MYH8: variants seen among roughly 807,000 people sequenced by gnomAD.
MYH8 encodes myosin-8.
A neutral mutation model predicts 233.2 loss-of-function variants in MYH8; 168 were observed. That is an observed-to-expected ratio of 0.72 (90% CI 0.64 to 0.82). The LOEUF (loss-of-function observed/expected upper bound fraction) is 0.82. Among genes scored for constraint, MYH8 ranks in the 40% least tolerant of loss-of-function variants. The pLI is 0.00. For synonymous variants in MYH8, 785 were observed against 850.6 expected (o/e 0.92, Z 1.34); for missense variants, 1,995 against 2,327.8 (o/e 0.86, Z 2.94).
intron 39 of MYH8, 152 bp from the exon 40 acceptor site, chr17:10,390,755 CT>C (rs2072014219): frequency 3.3e-6 from 3 of 917,610 alleles, no homozygotes; most frequent in Non-Finnish European, 5.0e-6. Context: ...ATAACTTCAA[CT>C]ACAATTTTTA....
Position 10,400,453 on chromosome 17 carries a change from C to G in MYH8, c.3672G>C (p.Lys1224Asn), listed in dbSNP as rs202177216. 1.2e-6 allele frequency: 2 copies of G among 1,614,050 alleles called. No homozygotes were observed. Among genetic ancestry groups the G allele is most frequent in the Admixed American group, 3.3e-5 (2 of 60,018 alleles). ...CATCAGTCTCCATCTTCAGCTCACT[C>G]TTCTCCTTCTCCAGCTTCTGTTTGA... ...QRVKQKLEKE[K>N]SELKMETDDL... Residue 1224 changes from lysine (K) to asparagine (N), a missense_variant, in exon 27 of 40, where the codon AAG becomes AAC. Lys to Asn is a moderately conservative substitution (Grantham distance 94). Coordinates refer to ENST00000403437, the MANE Select transcript of MYH8 (RefSeq NM_002472.3). This position sits in a 1 kb window ranked among gnomAD's most constrained non-coding sequence, Gnocchi z 4.0.
At position 10,392,556 on chromosome 17, in the gene MYH8, C is replaced by G. The variant is rs2072035733; in HGVS notation, c.5554G>C (p.Glu1852Gln). ...ATTCCCTTTACCTGGTAGGTGAGTTCTTTTACTCGTCGCTCATGTTTCCGT... is the reference window on the plus strand; with the variant it reads ...ATTCCCTTTACCTGGTAGGTGAGTTGTTTTACTCGTCGCTCATGTTTCCGT... ...GLRKHERRVK[E>Q]LTYQTEEDRK... The change falls in exon 38 of 40, where the codon GAA becomes CAA. Residue 1852 changes from glutamate (E) to glutamine (Q), a missense_variant. Coordinates refer to ENST00000403437, the MANE Select transcript of MYH8 (RefSeq NM_002472.3). 4 of 1,614,080 alleles carry G rather than the reference C, an allele frequency of 2.5e-6. No homozygotes were observed. Among genetic ancestry groups the G allele is most frequent in the Non-Finnish European group, 2.5e-6 (3 of 1,179,956 alleles).
chr17:10,411,070 G>A (rs775621615), intron 14 of MYH8, 123 bp from the exon 15 acceptor site: 24 of 1,522,696 alleles, frequency 1.6e-5, no homozygotes, highest in East Asian at 2.4e-5. Flanking sequence ...TAAAACTAAC[G>A]TTGCTCCCTC....
At chr17:10,414,109 T>C in intron 11 of MYH8, 69 bp from the exon 12 acceptor site, 1 of 1,610,336 alleles carries the variant, frequency 6.2e-7, no homozygotes, top group Non-Finnish European at 8.5e-7. Context: ...TTTATACATA[T>C]CCTAAGGTAA....
chr17:10,404,226 A>G, intron 22 of MYH8, 104 bp downstream of exon 22: 2 of 1,454,912 alleles, frequency 1.4e-6, no homozygotes, highest in South Asian at 1.2e-5. Flanking sequence ...AAAAACAGCA[A>G]CTTGAGATTT....
Position 10,391,871 on chromosome 17 carries a change from A to T in MYH8, c.5664+11T>A. 6.2e-7 allele frequency: 1 copy of T among 1,609,856 alleles called. No individual in the cohort carries two copies. Among genetic ancestry groups the T allele is most frequent in the South Asian group, 1.1e-5 (1 of 90,994 alleles). ...ATTTCCTTCTTTCCTCAAGGGCTTA[A>T]AGATACTTACAGCCTCCTCAGCTTG... On this transcript the variant is annotated intron_variant, in intron 39 of 39. Coordinates refer to ENST00000403437, the MANE Select transcript of MYH8 (RefSeq NM_002472.3).
intron 20 of MYH8, 30 bp from the exon 21 acceptor site, chr17:10,406,207 C>A (rs2142180059): frequency 6.2e-7 from 1 of 1,614,064 alleles, no homozygotes; most frequent in East Asian, 2.2e-5. Flanking sequence ...CAAATCATCT[C>A]CATACTGCAG....
chr17:10,412,931 T>G (rs1033028408), intron 12 of MYH8, among the ~76,000 whole-genome samples: 7 of 152,218 alleles, frequency 4.6e-5, no homozygotes, highest in African/African-American at 1.7e-4. Flanking sequence ...GTGATTTATT[T>G]CAAGTAGTTT....
chr17:10,407,698 G>A (rs1019990415), intron 17 of MYH8, among the ~76,000 whole-genome samples: 6 of 151,944 alleles, frequency 3.9e-5, no homozygotes, highest in African/African-American at 1.5e-4. Flanking sequence ...AATTAGCCAG[G>A]TCTGGTGACG....
chr17:10,403,826 TG>T (rs1398174464), intron 22 of MYH8, among the ~76,000 whole-genome samples: 1 of 152,212 alleles, frequency 6.6e-6, no homozygotes, highest in Non-Finnish European at 1.5e-5. Context: ...ACTAGAGATT[TG>T]TATCAGAGGA....
intron 22 of MYH8, among the ~76,000 whole-genome samples, chr17:10,403,344 T>G (rs1222718368): frequency 6.6e-6 from 1 of 152,216 alleles, no homozygotes; most frequent in East Asian, 1.9e-4. Context: ...CAATCCAGTC[T>G]AATTTATTAG....
rs764330505 is a variant in MYH8, at chr17:10,401,202, A to C, written c.3109-11T>G. The C allele has an allele frequency of 2.5e-5, 41 of 1,613,512 alleles. No homozygotes were observed. Among genetic ancestry groups the C allele is most frequent in the Non-Finnish European group, 3.5e-5 (41 of 1,179,758 alleles). On this transcript the variant is annotated splice_polypyrimidine_tract_variant and intron_variant, in intron 24 of 39. Coordinates refer to ENST00000403437, the MANE Select transcript of MYH8 (RefSeq NM_002472.3). ...CAGAGACCCTTCAAGCTAATAAGAA[A>C]GTAAATATGGTAAAAATTGAAAGTA...
chr17:10,399,660 C>T lies in MYH8; in HGVS notation c.3745G>A (p.Glu1249Lys). Residue 1249 changes from glutamate (E) to lysine (K), a missense_variant, in exon 28 of 40, where the codon GAA becomes AAA. Glu to Lys is a moderately conservative substitution (Grantham distance 56). Around this residue, in one of 3 missense-constraint regions of MYH8, gnomAD observed 1,498 missense variants for 1,680.9 expected, o/e 0.89. Transcript: ENST00000403437. ...EAISKAKGNL[E>K]KMCRSLEDQV... ...TCTTCTAGAGAGCGGCACATCTTTT[C>T]AAGGTTTCCCTACAGGATATGTAGC... 6.2e-7 allele frequency: 1 copy of T among 1,614,010 alleles called. No homozygotes were observed. Among genetic ancestry groups the T allele is most frequent in the Non-Finnish European group, 8.5e-7 (1 of 1,179,988 alleles).
chr17:10,415,715 A>G lies in MYH8; in HGVS notation c.512-7T>C. On this transcript the variant is annotated splice_region_variant and splice_polypyrimidine_tract_variant and intron_variant, in intron 5 of 39. Coordinates refer to ENST00000403437, the MANE Select transcript of MYH8 (RefSeq NM_002472.3). This position sits in a 1 kb window ranked among gnomAD's most constrained non-coding sequence, Gnocchi z 4.1. The stretch of plus-strand genomic sequence containing the variant: ...ATGGACTGATTCTCTCGATCTGTGA[A>G]AGAATTCAAAATCATCCGTTAAAAA... The G allele has an allele frequency of 6.2e-7, 1 of 1,613,024 alleles. No individual in the cohort carries two copies. Among genetic ancestry groups the G allele is most frequent in the Non-Finnish European group, 8.5e-7 (1 of 1,179,284 alleles).
Position 10,399,609 on chromosome 17 carries a change from CCTTGGTCTT to C in MYH8, c.3787_3795del (p.Lys1263_Lys1265del), listed in dbSNP as rs2072115732. 15 of 1,614,022 alleles carry C rather than the reference CCTTGGTCTT, an allele frequency of 9.3e-6. No individual in the cohort carries two copies. Among genetic ancestry groups the C allele is most frequent in the Non-Finnish European group, 1.3e-5 (15 of 1,180,040 alleles). ...TTGATCAGCCGCTGCTGCTCCTCTTCCTTGGTCTTAAGCTCACTCACTTGATCTTCTAGA... is the reference window on the plus strand; with the variant it reads ...TTGATCAGCCGCTGCTGCTCCTCTTCAAGCTCACTCACTTGATCTTCTAGA... On this transcript the variant is annotated inframe_deletion, in exon 28 of 40. Coordinates refer to ENST00000403437, the MANE Select transcript of MYH8 (RefSeq NM_002472.3).
In MYH8 at chr17:10,395,582, A is replaced by G. The variant is rs1473191180; in HGVS notation, c.4654-141T>C. The stretch of plus-strand genomic sequence containing the variant: ...CAGTAGTTCTGGGAATCTTCTAGGT[A>G]AATCATTATTTTGTTTATTTAGTGA... On this transcript the variant is annotated intron_variant, in intron 33 of 39. Coordinates refer to ENST00000403437, the MANE Select transcript of MYH8 (RefSeq NM_002472.3). The G allele has an allele frequency of 3.5e-6, 3 of 847,604 alleles. No homozygotes were observed. In the East Asian group the frequency reaches 8.0e-5, roughly 22 times the overall value. The allele number at this position is 847,604 out of a possible 1,614,324, so 52.5% of individuals were successfully genotyped here. A position where few individuals can be genotyped will look rare whatever the true frequency, so the allele number is the denominator to read the frequency against.
Position 10,391,021 on chromosome 17 carries a change from T to G in MYH8, c.5665-418A>C, listed in dbSNP as rs898733034. On this transcript the variant is annotated intron_variant, in intron 39 of 39. Transcript: ENST00000403437. ...TCCTCTGTTAATTGACTCATTGCCA[T>G]TTATGCCTCTCCCTTTTTTCTTTCC... is the stretch of plus-strand genomic sequence containing the variant. 7.2e-5 allele frequency among the ~76,000 whole-genome samples: 11 copies of G among 152,370 alleles called. No homozygotes were observed. The East Asian group carries it at 2.1e-3, about 29-fold the overall frequency.
rs1375781351 is a variant in MYH8 at position 10,417,570 on chromosome 17, A to G, written c.511+1075T>C. On this transcript the variant is annotated intron_variant, in intron 5 of 39. Coordinates refer to ENST00000403437, the MANE Select transcript of MYH8 (RefSeq NM_002472.3). The surrounding 1 kb of genome is among the most constrained non-coding windows in gnomAD (Gnocchi z 4.1). ...TGTACAAAAATCATGTTTGGGAGCC[A>G]TAAGTAACCTTGAATTTGGAGCAGC... Among the ~76,000 whole-genome samples the G allele has an allele frequency of 2.0e-5, 3 of 152,230 alleles. No homozygotes were observed. The highest frequency in any genetic ancestry group is 3.9e-4 in the East Asian group (2 of 5,194).
Position 10,399,577 on chromosome 17 carries a change from G to T in MYH8, c.3828C>A (p.Leu1276=). ...TCTGCAGGCGCGCTCTCTGTGCTGT[G>T]AGGTCATTGATCAGCCGCTGCTGCT... is the stretch of plus-strand genomic sequence containing the variant. ...EEEQQRLIND[L]TAQRARLQTE... is the part of the protein sequence containing the mutation. The change falls in exon 28 of 40, where the codon CTC becomes CTA. Residue 1276 remains leucine (L), a synonymous_variant. Transcript: ENST00000403437. The T allele has an allele frequency of 6.2e-7, 1 of 1,613,968 alleles. No homozygotes were observed. The highest frequency in any genetic ancestry group is 8.5e-7 in the Non-Finnish European group (1 of 1,180,026).
Sources: gnomAD v4.1 joint callset for allele counts (sites outside exome capture counted in the v4.1 genomes callset) on GRCh38, gnomAD v4.1.1 for gene constraint, gnomAD v4.1.1 regional missense constraint, Gnocchi (gnomAD v3.1) non-coding constraint, MANE v1.5 for transcripts, NCBI Gene and HGNC (gene_info 2026-07-23, HGNC 2026-07-21) for gene names.